Variants in PDIA3 observed in about 807,000 individuals in gnomAD.
PDIA3 encodes protein disulfide-isomerase A3.
PDIA3 carries 16 observed loss-of-function variants against 56.9 expected under a neutral mutation model. The observed-to-expected ratio is 0.28, with a 90% CI of 0.19 to 0.43. The LOEUF is 0.43. Among genes scored for constraint, PDIA3 ranks in the 20% least tolerant of loss-of-function variants. The probability of loss-of-function intolerance (pLI) is 1.00; values close to 1 mark genes in which losing one functional copy is unlikely to be tolerated. For missense variants in PDIA3, 485 were observed against 621.3 expected (o/e 0.78, Z 2.33); for synonymous variants, 192 against 216.5 (o/e 0.89, Z 0.99).
chr15:43,749,822 G>A (rs1010007268), intron 1 of PDIA3, among the ~76,000 whole-genome samples: 3 of 152,116 alleles, frequency 2.0e-5, no homozygotes, highest in Non-Finnish European at 4.4e-5. Flanking sequence ...CACGCCTGTA[G>A]TCCTAGCTAC....
intron 8 of PDIA3, among the ~76,000 whole-genome samples, chr15:43,767,178 C>T (rs1012070284): frequency 6.6e-6 from 1 of 151,764 alleles, no homozygotes. Flanking sequence ...AGAGAAACCC[C>T]GTCTCTACTA....
At chr15:43,755,375 G>A (rs1330003890) in intron 2 of PDIA3, among the ~76,000 whole-genome samples, 1 of 152,116 alleles carries the variant, frequency 6.6e-6, no homozygotes, top group African/African-American at 2.4e-5. Context: ...AAACTGCTAT[G>A]TGATAATCAC....
intron 5 of PDIA3, among the ~76,000 whole-genome samples, chr15:43,764,806 C>A (rs1456454782): frequency 1.3e-5 from 2 of 152,114 alleles, no homozygotes; most frequent in Non-Finnish European, 2.9e-5. Context: ...TACTCTAACC[C>A]CCTTTTGAGA....
intron 3 of PDIA3, among the ~76,000 whole-genome samples, chr15:43,758,592 A>C (rs1325239773): frequency 6.7e-6 from 1 of 148,986 alleles, no homozygotes; most frequent in Non-Finnish European, 1.5e-5. Context: ...CGGGAGGCAG[A>C]GGTTGTAGTG....
Position 43,766,052 on chromosome 15 carries a change from C to A in PDIA3, c.845+40C>A, listed in dbSNP as rs1171598059. 4 of 1,593,286 alleles carry A rather than the reference C, an allele frequency of 2.5e-6. No homozygotes were observed. In the Admixed American group the frequency reaches 6.7e-5, roughly 27 times the overall value. ...GTTTTTCCCTCATGAACAAGTTTAC[C>A]CAATGTATAGACAGTCCCTTCTAAC... On this transcript the variant is annotated intron_variant, in intron 7 of 12. Coordinates refer to ENST00000300289, the MANE Select transcript of PDIA3 (RefSeq NM_005313.5).
chr15:43,747,670 AT>A lies in PDIA3; in HGVS notation c.167+965del, dbSNP rs536174574. 2.2e-3 allele frequency among the ~76,000 whole-genome samples: 332 copies of A among 152,248 alleles called. 2 individuals carry two copies. Among genetic ancestry groups the A allele is most frequent in the Non-Finnish European group, 4.0e-3 (274 of 68,040 alleles). ...GCTCTCTATATATAATTCAATATAT[AT>A]AATTACAGTACTTAATTTTTCCCCT... On this transcript the variant is annotated intron_variant, in intron 1 of 12. Coordinates refer to ENST00000300289, the MANE Select transcript of PDIA3 (RefSeq NM_005313.5).
At chr15:43,758,380 C>A (rs1053911366) in intron 3 of PDIA3, among the ~76,000 whole-genome samples, 3 of 152,086 alleles carry the variant, frequency 2.0e-5, no homozygotes, top group African/African-American at 4.8e-5. Context: ...AAAATAGGGC[C>A]AGGCCTGGTG....
rs763657270 is a variant in PDIA3 at position 43,765,989 on chromosome 15, A to G, written c.822A>G (p.Lys274=). 3 of 1,613,688 alleles carry G rather than the reference A, an allele frequency of 1.9e-6. No homozygotes were observed. The South Asian group carries it at 3.3e-5, about 18-fold the overall frequency. ...ATGTGGACTATGAAAAGAACGCTAA[A>G]GGTTCCAACTACTGGAGAAACAGGT... ...YYDVDYEKNA[K]GSNYWRNRVM... Residue 274 remains lysine (K), a synonymous_variant, in exon 7 of 13, where the codon AAA becomes AAG. Coordinates refer to ENST00000300289, the MANE Select transcript of PDIA3 (RefSeq NM_005313.5).
intron 4 of PDIA3, among the ~76,000 whole-genome samples, 184 bp from the exon 5 acceptor site, chr15:43,762,893 T>C (rs2086825812): frequency 6.6e-6 from 1 of 152,190 alleles, no homozygotes; most frequent in South Asian, 2.1e-4. Flanking sequence ...AATGTTTCTG[T>C]AAAGGGTAGA....
intron 1 of PDIA3, among the ~76,000 whole-genome samples, chr15:43,749,199 T>C (rs1596017253): frequency 2.6e-5 from 4 of 152,240 alleles, no homozygotes; most frequent in African/African-American, 9.6e-5. Context: ...GTTCAAGTGA[T>C]TCTCCTGCCT....
At chr15:43,770,470 T>C in intron 11 of PDIA3, 53 bp from the exon 12 acceptor site, 1 of 1,420,172 alleles carries the variant, frequency 7.0e-7, no homozygotes, top group Non-Finnish European at 1.0e-6. Context: ...TTAAGAGTTC[T>C]GCAGTATGGG....
In PDIA3 at chr15:43,761,671, CAATT is replaced by C. The variant is rs1197083081; in HGVS notation, c.472+142_472+145del. 4 of 574,622 alleles carry C rather than the reference CAATT, an allele frequency of 7.0e-6. No individual in the cohort carries two copies. In the African/African-American group the frequency reaches 7.5e-5, roughly 11 times the overall value. 35.6% of individuals were successfully genotyped at this position (574,622 alleles called of 1,614,324 possible). ...AAGGCAACTGACAGAATTGGGTCAGCAATTACTATAATGTACTATATAGTACATT... is the reference window on the plus strand; with the variant it reads ...AAGGCAACTGACAGAATTGGGTCAGCACTATAATGTACTATATAGTACATT... On this transcript the variant is annotated intron_variant, in intron 4 of 12. Coordinates refer to ENST00000300289, the MANE Select transcript of PDIA3 (RefSeq NM_005313.5).
At position 43,769,502 on chromosome 15, in the gene PDIA3, C is replaced by G; in HGVS notation, c.1138-16C>G. On this transcript the variant is annotated splice_polypyrimidine_tract_variant and intron_variant, in intron 9 of 12. Coordinates refer to ENST00000300289, the MANE Select transcript of PDIA3 (RefSeq NM_005313.5). ...TTTTTTATGTTACCAACTAGAGATT[C>G]TTCTGTGTTTTCCAGGTAGTGGTAG... is the stretch of plus-strand genomic sequence containing the variant. The G allele has an allele frequency of 6.2e-7, 1 of 1,610,944 alleles. No homozygotes were observed. The highest frequency in any genetic ancestry group is 8.5e-7 in the Non-Finnish European group (1 of 1,177,396).
intron 3 of PDIA3, among the ~76,000 whole-genome samples, chr15:43,757,579 G>C (rs1255080150): frequency 6.6e-6 from 1 of 151,106 alleles, no homozygotes; most frequent in Non-Finnish European, 1.5e-5. Flanking sequence ...AAAAAGTGTG[G>C]GCCAGGCACA....
intron 4 of PDIA3, among the ~76,000 whole-genome samples, chr15:43,762,511 CAAAAAAA>C (rs767755194): frequency 3.6e-5 from 2 of 55,968 alleles, no homozygotes; most frequent in African/African-American, 1.4e-4. Context: ...AACTCTGTCG[CAAAAAAA>C]AAAAAAAAAA....
intron 8 of PDIA3, 77 bp from the exon 9 acceptor site, chr15:43,768,412 C>A: frequency 9.5e-7 from 1 of 1,055,862 alleles, no homozygotes; most frequent in Non-Finnish European, 1.5e-6. Context: ...TACATAGTAA[C>A]TATTCAAAGA....
chr15:43,755,914 C>CAA (rs71854552), intron 2 of PDIA3, among the ~76,000 whole-genome samples: 7 of 88,618 alleles, frequency 7.9e-5, no homozygotes, highest in East Asian at 3.1e-4. Flanking sequence ...AACTCCGTCT[C>CAA]AAAAAAAAAA....
At chr15:43,765,333 A>G in intron 5 of PDIA3, 117 bp from the exon 6 acceptor site, 1 of 711,698 alleles carries the variant, frequency 1.4e-6, no homozygotes, top group Non-Finnish European at 2.5e-6. Flanking sequence ...GTGAGCTATA[A>G]TCACACCATT....
Position 43,772,214 on chromosome 15 carries a change from A to AT in PDIA3, c.*999dup, listed in dbSNP as rs1204658214. ...GAGTGATCTTTTGTCCAACTAAACC[A>AT]TTTATCTCCTTTTGTAGGTAAATTC... On this transcript the variant is annotated 3_prime_UTR_variant, in exon 13 of 13. Transcript: ENST00000300289. 4 of 152,178 alleles carry AT rather than the reference A, an allele frequency of 2.6e-5. No homozygotes were observed. Among genetic ancestry groups the AT allele is most frequent in the African/African-American group, 9.7e-5 (4 of 41,444 alleles). The allele number at this position is 152,178 out of a possible 1,614,324, so 9.4% of individuals were successfully genotyped here. A position where few individuals can be genotyped will look rare whatever the true frequency, so the allele number is the denominator to read the frequency against.
Sources: allele counts gnomAD v4.1 joint callset (sites outside exome capture counted in the v4.1 genomes callset), GRCh38; gene constraint gnomAD v4.1.1; transcripts MANE v1.5; gene names NCBI Gene and HGNC (gene_info 2026-07-23, HGNC 2026-07-21).